The following RBFOX1 variants were observed in gnomAD, a reference collection of about 807,000 sequenced individuals.
RBFOX1 encodes RNA binding fox-1 homolog 1.
RBFOX1 carries 8 observed loss-of-function variants against 57.7 expected under a neutral mutation model. The observed-to-expected ratio is 0.14, with a 90% CI of 0.08 to 0.25. RBFOX1 has a LOEUF of 0.25. RBFOX1 is among the 10% of genes least tolerant of loss of function. RBFOX1 has a pLI of 1.00. For synonymous variants in RBFOX1, 326 were observed against 222.4 expected (o/e 1.47, Z -4.15); for missense variants, 611 against 548.5 (o/e 1.11, Z -1.14).
chr16:6,373,918 T>C (rs1045442172), intron 2 of RBFOX1, among the ~76,000 whole-genome samples: 3 of 152,202 alleles, frequency 2.0e-5, no homozygotes, highest in Non-Finnish European at 4.4e-5. Flanking sequence ...AGGTGTTCAT[T>C]CAGTATCTAT....
At chr16:6,797,242 T>C (rs1254602069) in intron 3 of RBFOX1, among the ~76,000 whole-genome samples, 1 of 152,164 alleles carries the variant, frequency 6.6e-6, no homozygotes, top group Non-Finnish European at 1.5e-5. Context: ...CTTTGATGGA[T>C]ATTGTTATTC....
At chr16:6,888,118 C>T (rs944285228) in intron 3 of RBFOX1, among the ~76,000 whole-genome samples, 4 of 152,180 alleles carry the variant, frequency 2.6e-5, no homozygotes, top group East Asian at 3.9e-4. Context: ...ACAATTATTT[C>T]CCTGGAGGAC....
intron 3 of RBFOX1, among the ~76,000 whole-genome samples, chr16:5,840,572 A>G (rs959978270): frequency 2.0e-5 from 3 of 152,178 alleles, no homozygotes; most frequent in African/African-American, 7.2e-5. Flanking sequence ...GAGCTCTACA[A>G]GAAGAGGCTT....
intron 2 of RBFOX1, among the ~76,000 whole-genome samples, chr16:6,543,035 C>T (rs975191546): frequency 2.6e-5 from 4 of 152,246 alleles, no homozygotes; most frequent in East Asian, 1.9e-4. Context: ...GCCACACTAT[C>T]GTTTGGCAGT....
At chr16:7,690,042 C>T (rs181624798) in intron 14 of RBFOX1, among the ~76,000 whole-genome samples, 1 of 152,084 alleles carries the variant, frequency 6.6e-6, no homozygotes, top group Admixed American at 6.5e-5. Context: ...ATTCAACTCC[C>T]TTGAATCCCT....
chr16:7,166,383 C>G (rs997167121), intron 4 of RBFOX1, among the ~76,000 whole-genome samples: 1 of 151,942 alleles, frequency 6.6e-6, no homozygotes, highest in African/African-American at 2.4e-5. Flanking sequence ...AGGTGAGGTT[C>G]TGAGGGAGTG....
intron 2 of RBFOX1, among the ~76,000 whole-genome samples, chr16:5,547,416 A>G (rs1215914314): frequency 6.6e-6 from 1 of 152,234 alleles, no homozygotes; most frequent in East Asian, 1.9e-4. Context: ...ATGGAATAGT[A>G]TGCAGCAGTA....
At chr16:6,827,677 G>C (rs903617434) in intron 3 of RBFOX1, among the ~76,000 whole-genome samples, 2 of 152,122 alleles carry the variant, frequency 1.3e-5, no homozygotes, top group African/African-American at 2.4e-5. Flanking sequence ...GGTCTCTTCT[G>C]ATCCTTCAGG....
At chr16:6,564,304 G>A (rs1343190087) in intron 2 of RBFOX1, among the ~76,000 whole-genome samples, 4 of 152,094 alleles carry the variant, frequency 2.6e-5, no homozygotes, top group Non-Finnish European at 1.5e-5. Context: ...AGTATTGGCT[G>A]GGCTGCAGTG....
chr16:7,339,347 G>T (rs1400135412), intron 4 of RBFOX1, among the ~76,000 whole-genome samples: 1 of 152,312 alleles, frequency 6.6e-6, no homozygotes. Flanking sequence ...TCTTCCAACA[G>T]GAAGTTGATA....
chr16:7,234,810 A>C (rs1290680506), intron 4 of RBFOX1, among the ~76,000 whole-genome samples: 2 of 152,052 alleles, frequency 1.3e-5, no homozygotes, highest in Non-Finnish European at 2.9e-5. Context: ...ATTTCCAAAA[A>C]TATGCAAGGC....
intron 2 of RBFOX1, among the ~76,000 whole-genome samples, chr16:6,365,829 A>G (rs1430854023): frequency 2.0e-5 from 3 of 152,188 alleles, no homozygotes; most frequent in Non-Finnish European, 4.4e-5. Context: ...TGGATTGTTG[A>G]GAGAATTAAA....
chr16:6,648,222 T>A (rs967971577), intron 2 of RBFOX1, among the ~76,000 whole-genome samples: 1 of 151,864 alleles, frequency 6.6e-6, no homozygotes, highest in Admixed American at 6.6e-5. Flanking sequence ...ATTTTTTTCT[T>A]CTTTATTATT....
intron 3 of RBFOX1, among the ~76,000 whole-genome samples, chr16:6,720,906 C>G (rs1314437926): frequency 6.6e-6 from 1 of 152,140 alleles, no homozygotes; most frequent in Non-Finnish European, 1.5e-5. Flanking sequence ...TAACATGATG[C>G]TACCATGTTA....
Position 6,041,396 on chromosome 16 carries a change from A to T in RBFOX1, c.-127+21404A>T, listed in dbSNP as rs535779651. Among the ~76,000 whole-genome samples, 3 of 152,316 alleles carry T rather than the reference A, an allele frequency of 2.0e-5. No individual in the cohort carries two copies. In the East Asian group the frequency reaches 5.8e-4, roughly 29 times the overall value. ...AGACATGTTTTAAACAACCATAGTTAAGATGACAAGACTAGAAGTCCAAGC... is the reference window on the plus strand; with the variant it reads ...AGACATGTTTTAAACAACCATAGTTTAGATGACAAGACTAGAAGTCCAAGC... On this transcript the variant is annotated intron_variant, in intron 1 of 15. Transcript: ENST00000550418.
chr16:7,615,883 T>A (rs1207981210), intron 10 of RBFOX1, among the ~76,000 whole-genome samples: 1 of 152,206 alleles, frequency 6.6e-6, no homozygotes, highest in Admixed American at 6.5e-5. Flanking sequence ...TCTGTCCTCA[T>A]TGACGCTATT....
At chr16:5,979,199 G>A (rs2060126761) in intron 4 of RBFOX1, among the ~76,000 whole-genome samples, 1 of 152,162 alleles carries the variant, frequency 6.6e-6, no homozygotes, top group Admixed American at 6.5e-5. Flanking sequence ...CTGCTCACCT[G>A]GTTCTTGCAG....
chr16:7,684,207 C>T lies in RBFOX1; in HGVS notation c.995+7369C>T, dbSNP rs186591326. ...TACATGCATGTAAGCAGTCACCAGA[C>T]AGAAATGACTTATGGCTTCCTTGGT... On this transcript the variant is annotated intron_variant, in intron 14 of 15. Transcript: ENST00000550418. Among the ~76,000 whole-genome samples the T allele has an allele frequency of 3.2e-4, 48 of 152,184 alleles. No homozygotes were observed. The East Asian group carries it at 6.2e-3, about 20-fold the overall frequency.
At chr16:6,992,492 G>A (rs910335787) in intron 3 of RBFOX1, among the ~76,000 whole-genome samples, 1 of 152,094 alleles carries the variant, frequency 6.6e-6, no homozygotes, top group African/African-American at 2.4e-5. Flanking sequence ...GGGATTACAG[G>A]CGTGAGCTAC....
Sources: gnomAD v4.1 joint callset for allele counts (sites outside exome capture counted in the v4.1 genomes callset) on GRCh38, gnomAD v4.1.1 for gene constraint, MANE v1.5 for transcripts, NCBI Gene and HGNC (gene_info 2026-07-23, HGNC 2026-07-21) for gene names.